Variants in PRRX2 observed in about 807,000 individuals in gnomAD.
The protein encoded by PRRX2 is paired related homeobox 2.
In PRRX2, 11 loss-of-function variants were observed where a neutral mutation model predicts 18.0. The ratio of observed to expected loss-of-function variants is 0.61; its 90% CI spans 0.39 to 1.01. The LOEUF is 1.01. Among genes scored for constraint, PRRX2 ranks in the 50% least tolerant of loss-of-function variants. The probability of loss-of-function intolerance (pLI) is 0.01; values close to 1 mark genes in which losing one functional copy is unlikely to be tolerated. For missense variants in PRRX2, 387 were observed against 351.0 expected, an observed-to-expected ratio of 1.10 and a Z score of -0.82; for synonymous variants, 177 against 154.8, an observed-to-expected ratio of 1.14 and a Z score of -1.06.
intron 1 of PRRX2, among the ~76,000 whole-genome samples, chr9:129,713,868 C>T (rs1234596954): frequency 6.7e-6 from 1 of 150,242 alleles, no homozygotes; most frequent in Non-Finnish European, 1.5e-5. Flanking sequence ...GTCTTGATCT[C>T]CTGACCTCAG....
Position 129,665,676 on chromosome 9 carries a change from C to A in PRRX2, c.-192C>A. ...GCACCAGCGGCTCCGGAGCGAGCGG[C>A]CGTGGCTGAGAAGGGGAGGGCGGAA... On this transcript the variant is annotated 5_prime_UTR_variant, in exon 1 of 4. Transcript: ENST00000372469. This position sits in a 1 kb window ranked among gnomAD's most constrained non-coding sequence, Gnocchi z 5.3. 1 of 234,806 alleles carries A rather than the reference C, an allele frequency of 4.3e-6. No homozygotes were observed. Among genetic ancestry groups the A allele is most frequent in the Non-Finnish European group, 7.1e-6 (1 of 141,420 alleles). 14.5% of individuals were successfully genotyped at this position (234,806 alleles called of 1,614,324 possible).
At chr9:129,710,505 G>A (rs532993370) in intron 1 of PRRX2, among the ~76,000 whole-genome samples, 1 of 152,286 alleles carries the variant, frequency 6.6e-6, no homozygotes, top group Non-Finnish European at 1.5e-5. Context: ...AGGCTGAGGC[G>A]GGTGGACCAC....
chr9:129,705,887 G>A (rs1217224774), intron 1 of PRRX2, among the ~76,000 whole-genome samples: 1 of 151,204 alleles, frequency 6.6e-6, no homozygotes, highest in Non-Finnish European at 1.5e-5. Context: ...AGCCACTCCT[G>A]CTGGCTCTCT....
chr9:129,717,529 C>G (rs1832725029), intron 1 of PRRX2, among the ~76,000 whole-genome samples: 1 of 151,694 alleles, frequency 6.6e-6, no homozygotes, highest in South Asian at 2.1e-4. Context: ...AACTCTGTTT[C>G]TACTAAAAAT....
chr9:129,714,786 C>G (rs189254546), intron 1 of PRRX2, among the ~76,000 whole-genome samples: 5 of 152,276 alleles, frequency 3.3e-5, no homozygotes, highest in African/African-American at 1.2e-4. Flanking sequence ...TTGAATTGCT[C>G]AGAAACTTCC....
At chr9:129,684,509 CACACACA>C (rs1564147413) in intron 1 of PRRX2, among the ~76,000 whole-genome samples, 7 of 53,976 alleles carry the variant, frequency 1.3e-4, no homozygotes, top group Non-Finnish European at 3.0e-4. Flanking sequence ...CACACACACA[CACACACA>C]CACACACCCA....
Position 129,678,243 on chromosome 9 carries a change from C to T in PRRX2, c.259+12117C>T, listed in dbSNP as rs900322257. ...CCTCCCAAAGTGCTGGGGTTACAAG[C>T]GTGAGCCACTGTGCCCAGCCTAGGG... On this transcript the variant is annotated intron_variant, in intron 1 of 3. Transcript: ENST00000372469. Among the ~76,000 whole-genome samples the T allele has an allele frequency of 6.0e-4, 91 of 152,242 alleles. 1 individual carries two copies. Among genetic ancestry groups the T allele is most frequent in the Non-Finnish European group, 1.1e-3 (76 of 68,012 alleles).
chr9:129,690,326 T>C (rs190495880), intron 1 of PRRX2, among the ~76,000 whole-genome samples: 380 of 152,250 alleles, frequency 2.5e-3, no homozygotes, highest in Middle Eastern at 6.8e-3. Context: ...AGGCCCCTGC[T>C]GCCCGGCGCA....
intron 1 of PRRX2, among the ~76,000 whole-genome samples, chr9:129,711,771 GCGGACCGGCCTGAGAGCCAGACC>G (rs1235610461): frequency 6.6e-6 from 1 of 152,136 alleles, no homozygotes; most frequent in African/African-American, 2.4e-5. Context: ...TGCTAGTGAG[GCGGACCGGCCTGAGAGCCAGACC>G]CGGACCGGCC....
intron 1 of PRRX2, among the ~76,000 whole-genome samples, chr9:129,674,699 C>T (rs779944087): frequency 9.9e-5 from 15 of 152,124 alleles, no homozygotes; most frequent in Admixed American, 3.9e-4. Flanking sequence ...CTGCCCAAGA[C>T]GCAGTGAGAA....
chr9:129,668,634 G>A (rs555549693), intron 1 of PRRX2, among the ~76,000 whole-genome samples: 3 of 151,784 alleles, frequency 2.0e-5, no homozygotes, highest in African/African-American at 4.8e-5. Context: ...AAAATTAGCC[G>A]GGTGTGGTGG....
At chr9:129,667,619 G>A (rs1290111530) in intron 1 of PRRX2, among the ~76,000 whole-genome samples, 2 of 152,012 alleles carry the variant, frequency 1.3e-5, no homozygotes, top group Non-Finnish European at 2.9e-5. Flanking sequence ...GGGTGAGGAG[G>A]GAAGGAAGGG....
At chr9:129,717,711 A>G (rs1182679224) in intron 1 of PRRX2, among the ~76,000 whole-genome samples, 4 of 149,660 alleles carry the variant, frequency 2.7e-5, no homozygotes, top group Middle Eastern at 3.4e-3. Flanking sequence ...AAAAAAAAAA[A>G]AAAGAAAAAG....
intron 1 of PRRX2, among the ~76,000 whole-genome samples, chr9:129,699,161 G>A (rs1474476533): frequency 3.3e-5 from 5 of 152,212 alleles, no homozygotes; most frequent in African/African-American, 7.2e-5. Context: ...AGTGGCTCAC[G>A]CCCATAATCC....
chr9:129,699,799 G>A (rs1446081170), intron 1 of PRRX2, among the ~76,000 whole-genome samples: 1 of 152,154 alleles, frequency 6.6e-6, no homozygotes, highest in Non-Finnish European at 1.5e-5. Flanking sequence ...GGCAGCCTCT[G>A]CTCTGTGTGT....
At chr9:129,674,292 T>A (rs1174569256) in intron 1 of PRRX2, among the ~76,000 whole-genome samples, 1 of 152,162 alleles carries the variant, frequency 6.6e-6, no homozygotes, top group African/African-American at 2.4e-5. Flanking sequence ...TGATGGCTAA[T>A]GATATCTTTC....
chr9:129,668,499 C>T (rs547116598), intron 1 of PRRX2, among the ~76,000 whole-genome samples: 2 of 152,102 alleles, frequency 1.3e-5, no homozygotes, highest in Non-Finnish European at 2.9e-5. Context: ...ATGGTCTGGC[C>T]GGGGGCGGTG....
intron 1 of PRRX2, among the ~76,000 whole-genome samples, chr9:129,684,427 A>ACACACACACAC (rs1440354447): frequency 2.4e-5 from 2 of 82,928 alleles, no homozygotes; most frequent in Non-Finnish European, 5.1e-5. Context: ...ACACAGATAC[A>ACACACACACAC]ACACACACAC....
At position 129,695,214 on chromosome 9, in the gene PRRX2, G is replaced by T. The variant is rs1202342996; in HGVS notation, c.260-24017G>T. 6.6e-6 allele frequency among the ~76,000 whole-genome samples: 1 copy of T among 152,152 alleles called. No individual in the cohort carries two copies. The highest frequency in any genetic ancestry group is 1.5e-5 in the Non-Finnish European group (1 of 68,030). On this transcript the variant is annotated intron_variant, in intron 1 of 3. Transcript: ENST00000372469. This position sits in a 1 kb window ranked among gnomAD's most constrained non-coding sequence, Gnocchi z 4.8. ...TTCCCTTCTCCACCCCACAGTCCGT[G>T]AGTGTGGATAGGTGGCCCGTAATCA...
Sources: gnomAD v4.1 joint callset for allele counts (sites outside exome capture counted in the v4.1 genomes callset) on GRCh38, gnomAD v4.1.1 for gene constraint, Gnocchi (gnomAD v3.1) non-coding constraint, MANE v1.5 for transcripts, NCBI Gene and HGNC (gene_info 2026-07-23, HGNC 2026-07-21) for gene names.